Variants in GRIN3A observed in about 807,000 individuals in gnomAD.
The protein encoded by GRIN3A is glutamate receptor ionotropic, NMDA 3A.
GRIN3A carries 47 observed loss-of-function variants against 92.4 expected under a neutral mutation model. The ratio of observed to expected loss-of-function variants is 0.51; its 90% CI spans 0.40 to 0.65. The LOEUF (loss-of-function observed/expected upper bound fraction) is 0.65. Ranked by LOEUF, GRIN3A falls within the 30% of genes least tolerant of loss-of-function variation. GRIN3A has a pLI of 0.00. For missense variants in GRIN3A, 1,324 were observed against 1,393.1 expected (o/e 0.95, Z 0.79); for synonymous variants, 527 against 540.6 (o/e 0.97, Z 0.35).
intron 6 of GRIN3A, among the ~76,000 whole-genome samples, chr9:101,609,620 C>A (rs553686987): frequency 1.3e-5 from 2 of 152,144 alleles, no homozygotes; most frequent in Non-Finnish European, 2.9e-5. Context: ...ATAGTGTGTT[C>A]GCTTCTGTGT....
At chr9:101,700,072 A>G (rs1343255437) in intron 1 of GRIN3A, among the ~76,000 whole-genome samples, 1 of 152,122 alleles carries the variant, frequency 6.6e-6, no homozygotes, top group African/African-American at 2.4e-5. Context: ...ACAACCCCCA[A>G]TAACTTATTA....
At chr9:101,633,906 A>C (rs1330002182) in intron 3 of GRIN3A, among the ~76,000 whole-genome samples, 1 of 152,172 alleles carries the variant, frequency 6.6e-6, no homozygotes, top group Admixed American at 6.5e-5. Flanking sequence ...ACTCTGCACC[A>C]ACAAACTGCT....
chr9:101,666,388 AG>A (rs1829237112), intron 3 of GRIN3A, among the ~76,000 whole-genome samples: 1 of 151,976 alleles, frequency 6.6e-6, no homozygotes, highest in Non-Finnish European at 1.5e-5. Context: ...AAACTAACAC[AG>A]GAAGGGAAAA....
intron 1 of GRIN3A, 43 bp downstream of exon 1, chr9:101,737,238 C>T (rs1564155844): frequency 6.5e-7 from 1 of 1,548,284 alleles, no homozygotes; most frequent in Non-Finnish European, 8.9e-7. Context: ...GCCCCGGCCC[C>T]CAGCAGCGCC....
At chr9:101,698,151 T>G (rs1237891971) in intron 1 of GRIN3A, among the ~76,000 whole-genome samples, 1 of 152,234 alleles carries the variant, frequency 6.6e-6, no homozygotes, top group African/African-American at 2.4e-5. Flanking sequence ...AGTCCAAATC[T>G]AGTCAAATAC....
chr9:101,659,375 T>C (rs1829139263), intron 3 of GRIN3A, among the ~76,000 whole-genome samples: 1 of 145,054 alleles, frequency 6.9e-6, no homozygotes. Flanking sequence ...ATGTATTTAT[T>C]TATACATAGA....
chr9:101,693,837 G>C (rs151273421), intron 1 of GRIN3A, among the ~76,000 whole-genome samples: 33 of 152,276 alleles, frequency 2.2e-4, no homozygotes, highest in African/African-American at 5.3e-4. Flanking sequence ...CATCAGTTTT[G>C]TGTTTGGTAG....
chr9:101,714,566 T>G (rs747138340), intron 1 of GRIN3A, among the ~76,000 whole-genome samples: 3 of 152,184 alleles, frequency 2.0e-5, no homozygotes, highest in Non-Finnish European at 4.4e-5. Flanking sequence ...CACTTCTCCC[T>G]TTTCATTTTC....
chr9:101,613,565 C>A, intron 5 of GRIN3A, 38 bp from the exon 6 acceptor site: 1 of 1,605,508 alleles, frequency 6.2e-7, no homozygotes, highest in Non-Finnish European at 8.5e-7. Flanking sequence ...TTTTTTACAC[C>A]CTTCCTGAGA....
chr9:101,613,555 T>G (rs761216689), intron 5 of GRIN3A, 28 bp from the exon 6 acceptor site: 1 of 1,611,202 alleles, frequency 6.2e-7, no homozygotes, highest in South Asian at 1.1e-5. Context: ...CTCAGATGAG[T>G]TTTTTACACC....
intron 3 of GRIN3A, among the ~76,000 whole-genome samples, chr9:101,633,254 G>A (rs1208462239): frequency 6.6e-6 from 1 of 152,180 alleles, no homozygotes; most frequent in Admixed American, 6.5e-5. Flanking sequence ...TAATTCATCA[G>A]TGAAATGTAG....
At chr9:101,623,558 G>C in intron 4 of GRIN3A, 125 bp from the exon 5 acceptor site, 1 of 715,738 alleles carries the variant, frequency 1.4e-6, no homozygotes, top group Non-Finnish European at 2.5e-6. Context: ...AAGCTACCTA[G>C]GTGCTGACTT....
At chr9:101,619,610 C>A (rs1828521791) in intron 5 of GRIN3A, among the ~76,000 whole-genome samples, 1 of 152,132 alleles carries the variant, frequency 6.6e-6, no homozygotes. Flanking sequence ...GATAACTTGC[C>A]AGTTAATAAC....
At chr9:101,610,782 T>G (rs892954376) in intron 6 of GRIN3A, among the ~76,000 whole-genome samples, 2 of 152,194 alleles carry the variant, frequency 1.3e-5, no homozygotes, top group African/African-American at 4.8e-5. Flanking sequence ...GATGGAGTAT[T>G]TGAGGAAGAG....
At chr9:101,714,655 A>G (rs934422978) in intron 1 of GRIN3A, among the ~76,000 whole-genome samples, 1 of 152,214 alleles carries the variant, frequency 6.6e-6, no homozygotes, top group African/African-American at 2.4e-5. Context: ...CCTAAGAATT[A>G]TGCCCCTAAG....
rs58762561 is a variant in GRIN3A at position 101,611,097 on chromosome 9, C to CA, written c.2766+2278dup. 8.6e-3 allele frequency among the ~76,000 whole-genome samples: 902 copies of CA among 104,686 alleles called. 3 individuals carry two copies. Among genetic ancestry groups the CA allele is most frequent in the Middle Eastern group, 0.02 (4 of 196 alleles). 68.7% of individuals were successfully genotyped at this position (104,686 alleles called of 152,430 possible). On this transcript the variant is annotated intron_variant, in intron 6 of 8. Transcript: ENST00000361820. ...TGGGTTACAGTGTGAGAGTCTGTCT[C>CA]AAAAAAAAAAAAAAAACCAACCAAC...
intron 1 of GRIN3A, among the ~76,000 whole-genome samples, chr9:101,723,318 G>A (rs1412651845): frequency 3.3e-5 from 5 of 151,964 alleles, no homozygotes; most frequent in Non-Finnish European, 5.9e-5. Context: ...GCAGACCTTC[G>A]CGGTGAGTGT....
chr9:101,671,044 G>A lies in GRIN3A; in HGVS notation c.1368C>T (p.Ile456=), dbSNP rs267602061. The change falls in exon 3 of 9, where the codon ATC becomes ATT. Residue 456 remains isoleucine, a synonymous_variant. Transcript: ENST00000361820. ...TGAAAAAGTTGTTTTCTGAGCTGAC[G>A]ATGGTGGAACCTTTTACTCTGATGG... ...SGSIRVKGST[I]VSSENNFFIW... 2.5e-5 allele frequency: 41 copies of A among 1,613,808 alleles called. No individual in the cohort carries two copies. Among genetic ancestry groups the A allele is most frequent in the African/African-American group, 5.3e-5 (4 of 74,906 alleles).
intron 6 of GRIN3A, among the ~76,000 whole-genome samples, chr9:101,585,575 CA>C (rs1827939743): frequency 6.6e-6 from 1 of 152,184 alleles, no homozygotes; most frequent in South Asian, 2.1e-4. Flanking sequence ...TGCCATGACA[CA>C]GGGAAAAAAA....
Sources: allele counts gnomAD v4.1 joint callset (sites outside exome capture counted in the v4.1 genomes callset), GRCh38; gene constraint gnomAD v4.1.1; transcripts MANE v1.5; gene names NCBI Gene and HGNC (gene_info 2026-07-23, HGNC 2026-07-21).